The following FBXL17 variants were observed in gnomAD, a reference collection of about 807,000 sequenced individuals.
The protein encoded by FBXL17 is F-box and leucine rich repeat protein 17.
Under a neutral mutation model 66.2 loss-of-function variants are expected in FBXL17, and 22 were observed. That is an observed-to-expected ratio of 0.33 (90% confidence interval 0.24 to 0.47). FBXL17 has a LOEUF of 0.47. FBXL17 is among the 20% of genes least tolerant of loss of function. The pLI is 1.00. For synonymous variants in FBXL17, 474 were observed against 400.5 expected (o/e 1.18, Z -2.19); for missense variants, 878 against 948.2 (o/e 0.93, Z 0.97).
intron 6 of FBXL17, among the ~76,000 whole-genome samples, chr5:108,096,595 T>C (rs1749378223): frequency 6.6e-6 from 1 of 152,190 alleles, no homozygotes; most frequent in Non-Finnish European, 1.5e-5. Context: ...ATGAGTCAAA[T>C]TATCCAGAAG....
Position 107,975,859 on chromosome 5 carries a change from T to TGG in FBXL17, c.1822+45065_1822+45066insCC, listed in dbSNP as rs200132591. ...ATTAGAGGGTTTTTGTTGTTGTTGT[T>TGG]TTTTTTTTTTTTTTTTTTGAAACGG... On this transcript the variant is annotated intron_variant, in intron 7 of 8. Transcript: ENST00000542267. Among the ~76,000 whole-genome samples the TGG allele has an allele frequency of 4.8e-4, 41 of 85,956 alleles. 3 individuals carry two copies. The highest frequency in any genetic ancestry group is 5.4e-4 in the Non-Finnish European group (22 of 40,460). The allele number at this position is 85,956 out of a possible 152,430, so 56.4% of individuals were successfully genotyped here.
In FBXL17 at chr5:107,919,640, C is replaced by T. The variant is rs187366549; in HGVS notation, c.1823-38461G>A. On this transcript the variant is annotated intron_variant, in intron 7 of 8. Coordinates refer to ENST00000542267, the MANE Select transcript of FBXL17 (RefSeq NM_001163315.3). The stretch of plus-strand genomic sequence containing the variant: ...ACCAACAAATGAATCATCCTCCTGT[C>T]CCATCCCCCAGATATGCTCTATCCT... Among the ~76,000 whole-genome samples the T allele has an allele frequency of 3.9e-5, 6 of 152,298 alleles. No homozygotes were observed. In the East Asian group the frequency reaches 7.7e-4, roughly 20 times the overall value.
intron 7 of FBXL17, among the ~76,000 whole-genome samples, chr5:107,964,829 T>G (rs894505797): frequency 6.6e-6 from 1 of 152,134 alleles, no homozygotes; most frequent in Admixed American, 6.6e-5. Flanking sequence ...GGGAAACTCA[T>G]GAAAGTACCT....
At chr5:108,304,020 G>C (rs964763839) in intron 4 of FBXL17, among the ~76,000 whole-genome samples, 86 of 151,896 alleles carry the variant, frequency 5.7e-4, no homozygotes, top group African/African-American at 2.1e-3. Context: ...TTTTTACTGG[G>C]AGTGGGGTTA....
chr5:107,941,710 C>T (rs1751107304), intron 7 of FBXL17, among the ~76,000 whole-genome samples: 1 of 152,132 alleles, frequency 6.6e-6, no homozygotes, highest in South Asian at 2.1e-4. Flanking sequence ...AAACTCTTCA[C>T]TGTCTTCAAG....
intron 7 of FBXL17, among the ~76,000 whole-genome samples, chr5:107,950,282 C>A (rs1751453892): frequency 6.6e-6 from 1 of 151,918 alleles, no homozygotes; most frequent in Non-Finnish European, 1.5e-5. Flanking sequence ...TTTAAATATA[C>A]AATATTTGAT....
chr5:107,898,034 A>C (rs1480123397), intron 7 of FBXL17, among the ~76,000 whole-genome samples: 3 of 152,232 alleles, frequency 2.0e-5, no homozygotes, highest in African/African-American at 7.2e-5. Context: ...AATGAAGATA[A>C]GTAGTACTTC....
At chr5:108,305,878 A>G (rs1303237948) in intron 4 of FBXL17, among the ~76,000 whole-genome samples, 1 of 152,096 alleles carries the variant, frequency 6.6e-6, no homozygotes, top group African/African-American at 2.4e-5. Context: ...TCATAAAACA[A>G]TGTTTACCCT....
At chr5:108,005,868 C>T (rs1235111365) in intron 7 of FBXL17, among the ~76,000 whole-genome samples, 1 of 152,120 alleles carries the variant, frequency 6.6e-6, no homozygotes, top group African/African-American at 2.4e-5. Context: ...AGGGTAATGC[C>T]TGTATCTATG....
chr5:108,123,991 A>G (rs908124867), intron 6 of FBXL17, among the ~76,000 whole-genome samples: 9 of 152,178 alleles, frequency 5.9e-5, no homozygotes, highest in African/African-American at 1.9e-4. Context: ...TAAAGATACA[A>G]TAAGTTTGAG....
At chr5:108,055,754 T>C (rs1747685066) in intron 6 of FBXL17, among the ~76,000 whole-genome samples, 1 of 151,968 alleles carries the variant, frequency 6.6e-6, no homozygotes, top group Non-Finnish European at 1.5e-5. Flanking sequence ...TTAAAAATTA[T>C]CTTTTGTTAT....
intron 4 of FBXL17, among the ~76,000 whole-genome samples, chr5:108,320,729 C>A (rs531080107): frequency 1.1e-4 from 16 of 151,834 alleles, no homozygotes; most frequent in Non-Finnish European, 2.2e-4. Context: ...CAAAAACCCT[C>A]ATTTTTACAA....
chr5:108,201,996 C>A (rs1753917849), intron 5 of FBXL17, among the ~76,000 whole-genome samples: 1 of 151,828 alleles, frequency 6.6e-6, no homozygotes, highest in Non-Finnish European at 1.5e-5. Flanking sequence ...AATTTACAAA[C>A]AAGTGTGTGA....
At chr5:108,335,243 CACA>C (rs1760324181) in intron 4 of FBXL17, among the ~76,000 whole-genome samples, 1 of 129,338 alleles carries the variant, frequency 7.7e-6, no homozygotes, top group Non-Finnish European at 1.6e-5. Context: ...CCCCCCAACA[CACA>C]ACAATATATG....
At chr5:108,371,413 A>T (rs1466302354) in intron 1 of FBXL17, among the ~76,000 whole-genome samples, 1 of 152,248 alleles carries the variant, frequency 6.6e-6, no homozygotes, top group Non-Finnish European at 1.5e-5. Flanking sequence ...ATAACCAAAT[A>T]AAGTTTTATT....
chr5:108,308,192 A>C (rs1187708407), intron 4 of FBXL17, among the ~76,000 whole-genome samples: 3 of 152,120 alleles, frequency 2.0e-5, no homozygotes. Flanking sequence ...AATGAGAAAG[A>C]ATATTATTGT....
chr5:108,114,621 T>C (rs1391138923), intron 6 of FBXL17, among the ~76,000 whole-genome samples: 1 of 152,170 alleles, frequency 6.6e-6, no homozygotes, highest in Non-Finnish European at 1.5e-5. Flanking sequence ...CAGAAAGACA[T>C]TCAAATGGGC....
At chr5:108,009,714 G>A (rs1754104759) in intron 7 of FBXL17, among the ~76,000 whole-genome samples, 2 of 152,152 alleles carry the variant, frequency 1.3e-5, no homozygotes, top group Admixed American at 1.3e-4. Flanking sequence ...TAAGTTAAAA[G>A]TAAGTTTGAT....
intron 4 of FBXL17, among the ~76,000 whole-genome samples, chr5:108,307,041 C>G (rs891721408): frequency 1.3e-5 from 2 of 151,932 alleles, no homozygotes; most frequent in African/African-American, 4.8e-5. Flanking sequence ...AAGTAATAGT[C>G]TGAAATCATC....
Sources: allele counts gnomAD v4.1 joint callset (sites outside exome capture counted in the v4.1 genomes callset), GRCh38; gene constraint gnomAD v4.1.1; transcripts MANE v1.5; gene names NCBI Gene and HGNC (gene_info 2026-07-23, HGNC 2026-07-21).